KIAA1958: variants seen among roughly 807,000 people sequenced by gnomAD.
KIAA1958 encodes the protein KIAA1958, also known as uncharacterized protein KIAA1958.
Under a neutral mutation model 47.2 loss-of-function variants are expected in KIAA1958, and 14 were observed. The ratio of observed to expected loss-of-function variants is 0.30; its 90% CI spans 0.20 to 0.46. The LOEUF is 0.46. Among genes scored for constraint, KIAA1958 ranks in the 20% least tolerant of loss-of-function variants. KIAA1958 has a pLI of 1.00. For synonymous variants in KIAA1958, 354 were observed against 353.3 expected (o/e 1.00, Z -0.02); for missense variants, 803 against 909.2 (o/e 0.88, Z 1.50).
At chr9:112,600,806 A>G (rs1437532782) in intron 2 of KIAA1958, among the ~76,000 whole-genome samples, 1 of 152,230 alleles carries the variant, frequency 6.6e-6, no homozygotes, top group African/African-American at 2.4e-5. Context: ...GAGTTGGAAC[A>G]CATTTTCTAA....
chr9:112,636,855 T>C (rs1836813854), intron 2 of KIAA1958, among the ~76,000 whole-genome samples: 1 of 152,210 alleles, frequency 6.6e-6, no homozygotes, highest in Non-Finnish European at 1.5e-5. Flanking sequence ...TTGGAATATC[T>C]ATAATAATGG....
intron 2 of KIAA1958, among the ~76,000 whole-genome samples, chr9:112,638,661 C>G (rs1005705951): frequency 6.6e-6 from 1 of 152,124 alleles, no homozygotes; most frequent in Non-Finnish European, 1.5e-5. Flanking sequence ...GGAAAATTCT[C>G]GACCAATATT....
Position 112,665,727 on chromosome 9 carries a change from T to G in KIAA1958, c.*5658T>G, listed in dbSNP as rs1348432176. 6.6e-6 allele frequency: 1 copy of G among 152,214 alleles called. No homozygotes were observed. Among genetic ancestry groups the G allele is most frequent in the African/African-American group, 2.4e-5 (1 of 41,468 alleles). 9.4% of individuals were successfully genotyped at this position (152,214 alleles called of 1,614,324 possible). On this transcript the variant is annotated 3_prime_UTR_variant, in exon 4 of 4. Coordinates refer to ENST00000337530, the MANE Select transcript of KIAA1958 (RefSeq NM_133465.4). Reference sequence around the variant, plus strand: ...CGGTTCCCCAGTATTTTCTGCCTACTGGGAACCTTCTGTCTTTATCCAATA... The same window carrying G: ...CGGTTCCCCAGTATTTTCTGCCTACGGGGAACCTTCTGTCTTTATCCAATA...
intron 2 of KIAA1958, among the ~76,000 whole-genome samples, chr9:112,598,640 C>T (rs1488152665): frequency 2.0e-5 from 3 of 152,082 alleles, no homozygotes; most frequent in Admixed American, 2.0e-4. Context: ...CAGAAATATC[C>T]AGGCATTACT....
intron 1 of KIAA1958, among the ~76,000 whole-genome samples, chr9:112,540,354 A>G (rs1483149677): frequency 6.6e-6 from 1 of 152,234 alleles, no homozygotes; most frequent in Non-Finnish European, 1.5e-5. Context: ...GCATGTATGC[A>G]TACATAATTA....
chr9:112,660,152 G>A lies in KIAA1958; in HGVS notation c.*83G>A. The A allele has an allele frequency of 7.8e-7, 1 of 1,279,464 alleles. No individual in the cohort carries two copies. The highest frequency in any genetic ancestry group is 1.1e-6 in the Non-Finnish European group (1 of 908,168). 79.3% of individuals were successfully genotyped at this position (1,279,464 alleles called of 1,614,324 possible). ...GCAGCTGGAGCTCCTTGGAGGCAGG[G>A]GCTGACCAGGTGTGACCTCCCGGTC... On this transcript the variant is annotated 3_prime_UTR_variant, in exon 4 of 4. Coordinates refer to ENST00000337530, the MANE Select transcript of KIAA1958 (RefSeq NM_133465.4).
chr9:112,625,323 T>A (rs1325851349), intron 2 of KIAA1958, among the ~76,000 whole-genome samples: 2 of 152,106 alleles, frequency 1.3e-5, no homozygotes, highest in East Asian at 3.9e-4. Context: ...GACTAATTTT[T>A]AAAAATTTTT....
intron 1 of KIAA1958, among the ~76,000 whole-genome samples, chr9:112,529,912 C>T (rs543057008): frequency 1.2e-3 from 189 of 152,034 alleles, no homozygotes; most frequent in African/African-American, 4.4e-3. Context: ...GGTGCTATCT[C>T]GGCTCACTGC....
At chr9:112,516,607 A>G (rs1033003988) in intron 1 of KIAA1958, among the ~76,000 whole-genome samples, 1 of 152,232 alleles carries the variant, frequency 6.6e-6, no homozygotes, top group Admixed American at 6.5e-5. Flanking sequence ...CAAACTGATT[A>G]TAAAGCTCTT....
chr9:112,659,037 A>G (rs1021543759), intron 3 of KIAA1958, among the ~76,000 whole-genome samples: 15 of 150,660 alleles, frequency 1.0e-4, no homozygotes, highest in East Asian at 5.8e-4. Flanking sequence ...AAAAAAAAAA[A>G]AAAAAAAGAA....
intron 1 of KIAA1958, among the ~76,000 whole-genome samples, chr9:112,532,481 C>T (rs1194664788): frequency 6.6e-6 from 1 of 152,162 alleles, no homozygotes; most frequent in Non-Finnish European, 1.5e-5. Flanking sequence ...TCCTTTCTAT[C>T]ACTAGGAAAT....
Position 112,538,737 on chromosome 9 carries a change from T to G in KIAA1958, c.-24-35320T>G, listed in dbSNP as rs530822725. 4.6e-5 allele frequency among the ~76,000 whole-genome samples: 7 copies of G among 152,310 alleles called. No individual in the cohort carries two copies. The East Asian group carries it at 1.4e-3, about 29-fold the overall frequency. On this transcript the variant is annotated intron_variant, in intron 1 of 3. Transcript: ENST00000337530. ...CATTTCAGTATATCCTTAAGAGTAT[T>G]GAATCTAGAGGAACTGAATAATCAG...
intron 3 of KIAA1958, among the ~76,000 whole-genome samples, chr9:112,655,388 C>G (rs1174443461): frequency 6.6e-6 from 1 of 152,166 alleles, no homozygotes. Flanking sequence ...TTAATCCATT[C>G]ATCCAACAAA....
intron 1 of KIAA1958, among the ~76,000 whole-genome samples, chr9:112,544,073 C>T (rs1258708807): frequency 1.3e-5 from 2 of 151,898 alleles, no homozygotes; most frequent in African/African-American, 4.8e-5. Flanking sequence ...TAAAGATGCC[C>T]TTTTTTCTTG....
At chr9:112,556,373 G>C (rs1407645613) in intron 1 of KIAA1958, among the ~76,000 whole-genome samples, 1 of 152,180 alleles carries the variant, frequency 6.6e-6, no homozygotes, top group Non-Finnish European at 1.5e-5. Flanking sequence ...CGGTTTGAAA[G>C]TTTTGCTACC....
At chr9:112,511,740 G>A (rs1834328807) in intron 1 of KIAA1958, among the ~76,000 whole-genome samples, 1 of 152,084 alleles carries the variant, frequency 6.6e-6, no homozygotes, top group African/African-American at 2.4e-5. Flanking sequence ...GGTTCTTTGA[G>A]AAGCTTAATT....
At position 112,574,623 on chromosome 9, in the gene KIAA1958, C is replaced by T; in HGVS notation, c.543C>T (p.Ser181=). The T allele has an allele frequency of 6.2e-7, 1 of 1,614,164 alleles. No individual in the cohort carries two copies. The highest frequency in any genetic ancestry group is 8.5e-7 in the Non-Finnish European group (1 of 1,180,026). ...ARKRPGVVPS[S]LHSSSQTQMV... ...AAAGACCTGGGGTAGTCCCATCTTC[C>T]CTCCATTCAAGCTCCCAGACGCAGA... The change falls in exon 2 of 4, where the codon TCC becomes TCT. Residue 181 remains serine (S), a synonymous_variant. Coordinates refer to ENST00000337530, the MANE Select transcript of KIAA1958 (RefSeq NM_133465.4).
chr9:112,516,472 G>T (rs1158876854), intron 1 of KIAA1958, among the ~76,000 whole-genome samples: 2 of 152,102 alleles, frequency 1.3e-5, no homozygotes, highest in East Asian at 1.9e-4. Flanking sequence ...TAAATAAGTC[G>T]AGATATACTG....
rs113470102 is a variant in KIAA1958, at chr9:112,568,842, C to G, written c.-24-5215C>G. Among the ~76,000 whole-genome samples the G allele has an allele frequency of 5.5e-3, 774 of 140,944 alleles. 10 individuals carry two copies. Among genetic ancestry groups the G allele is most frequent in the African/African-American group, 0.019 (734 of 38,060 alleles). 92.5% of individuals were successfully genotyped at this position (140,944 alleles called of 152,430 possible). A position where few individuals can be genotyped will look rare whatever the true frequency, so the allele number is the denominator to read the frequency against. On this transcript the variant is annotated intron_variant, in intron 1 of 3. Coordinates refer to ENST00000337530, the MANE Select transcript of KIAA1958 (RefSeq NM_133465.4). ...GGCAGAGGTTACAGTGAGCTGTGATCTCACCACTGCACTCCAGCCTGGGCA... is the reference window on the plus strand; with the variant it reads ...GGCAGAGGTTACAGTGAGCTGTGATGTCACCACTGCACTCCAGCCTGGGCA...
Sources: allele counts gnomAD v4.1 joint callset (sites outside exome capture counted in the v4.1 genomes callset), GRCh38; gene constraint gnomAD v4.1.1; transcripts MANE v1.5; gene names NCBI Gene and HGNC (gene_info 2026-07-23, HGNC 2026-07-21).